Variants in CFAP54 observed in about 807,000 individuals in gnomAD.
CFAP54 encodes cilia- and flagella-associated protein 54.
In CFAP54, 290 loss-of-function variants were observed where a neutral mutation model predicts 370.4. The observed-to-expected ratio is 0.78, with a 90% CI of 0.71 to 0.86. The LOEUF is 0.86. Among genes scored for constraint, CFAP54 ranks in the 40% least tolerant of loss-of-function variants. CFAP54 has a pLI of 0.00. For missense variants in CFAP54, 3,399 were observed against 3,528.7 expected (o/e 0.96, Z 0.93); for synonymous variants, 1,206 against 1,236.5 (o/e 0.98, Z 0.52).
At chr12:96,799,144 C>T (rs1177458661) in intron 63 of CFAP54, among the ~76,000 whole-genome samples, 1 of 152,106 alleles carries the variant, frequency 6.6e-6, no homozygotes, top group Non-Finnish European at 1.5e-5. Flanking sequence ...AGGAGCAGTT[C>T]AGTATCAATC....
intron 26 of CFAP54, among the ~76,000 whole-genome samples, chr12:96,614,717 A>G (rs1093226): frequency 0.2 from 31,107 of 152,124 alleles, 3,503 homozygotes; most frequent in East Asian, 0.48. Context: ...TTATACACCA[A>G]TAACAGACAA....
At chr12:96,838,316 A>C (rs1027212781) in intron 66 of CFAP54, among the ~76,000 whole-genome samples, 1 of 152,098 alleles carries the variant, frequency 6.6e-6, no homozygotes, top group Non-Finnish European at 1.5e-5. Flanking sequence ...AAAAAAAGTC[A>C]ACTCAGTTTA....
rs1355188254 is a variant in CFAP54 at position 96,764,138 on chromosome 12, G to T, written c.8041-13G>T. On this transcript the variant is annotated splice_polypyrimidine_tract_variant and intron_variant, in intron 58 of 67. Coordinates refer to ENST00000524981, the MANE Select transcript of CFAP54 (RefSeq NM_001306084.2). ...CAAAACTTTATATCATAACACATTT[G>T]CCATATTTTTAGCCTCCTCTCAGAA... 2 of 1,564,182 alleles carry T rather than the reference G, an allele frequency of 1.3e-6. No individual in the cohort carries two copies. Among genetic ancestry groups the T allele is most frequent in the South Asian group, 2.2e-5 (2 of 89,046 alleles).
chr12:96,494,927 A>G (rs1363091662), intron 1 of CFAP54, among the ~76,000 whole-genome samples: 3 of 152,026 alleles, frequency 2.0e-5, no homozygotes, highest in Admixed American at 2.0e-4. Context: ...GAGTTTCACC[A>G]TGTTGGCCAG....
intron 19 of CFAP54, among the ~76,000 whole-genome samples, chr12:96,569,561 G>A (rs527834852): frequency 6.6e-6 from 1 of 152,272 alleles, no homozygotes; most frequent in African/African-American, 2.4e-5. Context: ...AGGTTTTCCA[G>A]TTGTTTCTCT....
chr12:96,752,497 T>C (rs562242664), intron 55 of CFAP54, among the ~76,000 whole-genome samples: 1 of 152,330 alleles, frequency 6.6e-6, no homozygotes, highest in Non-Finnish European at 1.5e-5. Context: ...AGTCCTACAC[T>C]GCCTTTCTGT....
At chr12:96,791,617 C>T (rs900651291) in intron 62 of CFAP54, among the ~76,000 whole-genome samples, 3 of 151,958 alleles carry the variant, frequency 2.0e-5, no homozygotes, top group South Asian at 2.1e-4. Context: ...TCTTATTTTC[C>T]ATATGGCATT....
intron 58 of CFAP54, among the ~76,000 whole-genome samples, chr12:96,762,477 C>T (rs1958350167): frequency 6.6e-6 from 1 of 152,248 alleles, no homozygotes; most frequent in Non-Finnish European, 1.5e-5. Context: ...ACATCTCCCC[C>T]ATCTGGAAAA....
chr12:96,829,137 TTGC>T (rs1959160649), intron 66 of CFAP54, 49 bp downstream of exon 66: 1 of 1,051,028 alleles, frequency 9.5e-7, no homozygotes, highest in East Asian at 2.6e-5. Context: ...ACAAGTATTA[TTGC>T]TATGAAATGG....
At chr12:96,870,993 G>T (rs902494891) in intron 67 of CFAP54, among the ~76,000 whole-genome samples, 1 of 152,158 alleles carries the variant, frequency 6.6e-6, no homozygotes, top group Non-Finnish European at 1.5e-5. Flanking sequence ...TCAGGAAGAG[G>T]CTGAATGACT....
chr12:96,504,160 A>G, intron 3 of CFAP54, 131 bp downstream of exon 3: 1 of 820,570 alleles, frequency 1.2e-6, no homozygotes, highest in Non-Finnish European at 1.7e-6. Flanking sequence ...TTGCTTAATA[A>G]ATACTTTCAG....
At chr12:96,811,231 A>G (rs1294393252) in intron 63 of CFAP54, among the ~76,000 whole-genome samples, 5 of 152,224 alleles carry the variant, frequency 3.3e-5, no homozygotes, top group African/African-American at 9.6e-5. Flanking sequence ...AATCCAAACA[A>G]CAGGGAAATT....
At chr12:96,614,702 T>C (rs1287282461) in intron 26 of CFAP54, among the ~76,000 whole-genome samples, 2 of 151,954 alleles carry the variant, frequency 1.3e-5, no homozygotes, top group East Asian at 1.9e-4. Flanking sequence ...AAATCACAAG[T>C]ATTCTTATAC....
chr12:96,644,144 T>C, intron 32 of CFAP54, 34 bp from the exon 33 acceptor site: 2 of 1,346,814 alleles, frequency 1.5e-6, no homozygotes, highest in Non-Finnish European at 2.0e-6. Context: ...TGAAAGTTCT[T>C]GTGTAATTTC....
chr12:96,489,963 AGAG>A (rs1441988495), intron 1 of CFAP54, 37 bp downstream of exon 1: 2 of 1,501,590 alleles, frequency 1.3e-6, no homozygotes, highest in Non-Finnish European at 1.8e-6. Context: ...GGCGCCGGCC[AGAG>A]GAGGGACCCC....
chr12:96,573,582 C>T (rs757670217), intron 19 of CFAP54, among the ~76,000 whole-genome samples: 10 of 152,300 alleles, frequency 6.6e-5, no homozygotes, highest in Admixed American at 3.9e-4. Flanking sequence ...GGCTCTTTTA[C>T]GGCCTTTTAT....
chr12:96,561,363 G>A lies in CFAP54; in HGVS notation c.2411-3105G>A, dbSNP rs113205004. On this transcript the variant is annotated intron_variant, in intron 17 of 67. Transcript: ENST00000524981. Reference sequence around the variant, plus strand: ...TGTGACTTGTTCCTCTTTGCCTTCTGCCATGATTGTGAGGCTTCATTAGCC... The same window carrying A: ...TGTGACTTGTTCCTCTTTGCCTTCTACCATGATTGTGAGGCTTCATTAGCC... 4.1e-3 allele frequency among the ~76,000 whole-genome samples: 624 copies of A among 152,226 alleles called. 6 individuals carry two copies. Among genetic ancestry groups the A allele is most frequent in the African/African-American group, 0.014 (580 of 41,526 alleles).
Position 96,649,959 on chromosome 12 carries a change from G to A in CFAP54, c.4759G>A (p.Val1587Ile). The change falls in exon 35 of 68, where the codon GTT (valine) becomes ATT (isoleucine). Residue 1587 changes from valine to isoleucine, a missense_variant. Val to Ile is a conservative substitution (Grantham distance 29). Transcript: ENST00000524981. ...TGAAAATATGTCCAAGACACAAACAGTTTATGACTCAGACTCTCAATCAGG... is the reference window on the plus strand; with the variant it reads ...TGAAAATATGTCCAAGACACAAACAATTTATGACTCAGACTCTCAATCAGG... ...SDENMSKTQTVYDSDSQSGSS... is the reference protein window; with the variant it reads ...SDENMSKTQTIYDSDSQSGSS... The A allele has an allele frequency of 1.2e-6, 2 of 1,613,076 alleles. No homozygotes were observed. Among genetic ancestry groups the A allele is most frequent in the Non-Finnish European group, 1.7e-6 (2 of 1,179,218 alleles).
intron 19 of CFAP54, among the ~76,000 whole-genome samples, chr12:96,571,410 A>T (rs1177611028): frequency 1.2e-4 from 19 of 152,160 alleles, no homozygotes; most frequent in Admixed American, 1.2e-3. Flanking sequence ...GTCCCTTTCC[A>T]TCGAGATTTC....
Sources: allele counts gnomAD v4.1 joint callset (sites outside exome capture counted in the v4.1 genomes callset), GRCh38; gene constraint gnomAD v4.1.1; transcripts MANE v1.5; gene names NCBI Gene and HGNC (gene_info 2026-07-23, HGNC 2026-07-21).